Variants in CBR4 observed in about 807,000 individuals in gnomAD.
CBR4 encodes the protein carbonyl reductase 4.
CBR4 carries 22 observed loss-of-function variants against 21.0 expected under a neutral mutation model. That is an observed-to-expected ratio of 1.05 (90% CI 0.75 to 1.50). The LOEUF (loss-of-function observed/expected upper bound fraction) is 1.50. CBR4 is among the 40% of genes most tolerant of loss of function. The pLI, the probability that CBR4 is intolerant of heterozygous loss-of-function variation, is 0.00. For synonymous variants in CBR4, 100 were observed against 104.4 expected, an observed-to-expected ratio of 0.96 and a Z score of 0.26; for missense variants, 302 against 286.3, an observed-to-expected ratio of 1.05 and a Z score of -0.40.
intron 4 of CBR4, among the ~76,000 whole-genome samples, chr4:168,999,635 T>G (rs1409031972): frequency 8.8e-6 from 1 of 114,174 alleles, no homozygotes; most frequent in Non-Finnish European, 1.9e-5. Flanking sequence ...ACCACCACTT[T>G]CAAAAAAAAA....
At chr4:169,007,039 T>G (rs1001468931) in intron 2 of CBR4, 148 bp from the exon 3 acceptor site, 2 of 618,272 alleles carry the variant, frequency 3.2e-6, no homozygotes, top group Non-Finnish European at 5.6e-6. Context: ...CATTTTGAAC[T>G]TGGCTTGAGA....
At chr4:168,963,935 C>T (rs925403201) in intron 2 of CBR4, among the ~76,000 whole-genome samples, 3 of 151,926 alleles carry the variant, frequency 2.0e-5, no homozygotes, top group Non-Finnish European at 4.4e-5. Context: ...ATGTCATGCC[C>T]AAGAACAGTT....
At chr4:168,971,274 T>C (rs1764198809) in intron 2 of CBR4, among the ~76,000 whole-genome samples, 1 of 151,980 alleles carries the variant, frequency 6.6e-6, no homozygotes, top group Non-Finnish European at 1.5e-5. Flanking sequence ...ATATCTTATT[T>C]TTTATCTTTT....
At chr4:168,981,049 A>T (rs1232419872) in intron 2 of CBR4, among the ~76,000 whole-genome samples, 1 of 152,216 alleles carries the variant, frequency 6.6e-6, no homozygotes. Flanking sequence ...CATTCCAAGG[A>T]ATCTAAGGAA....
In CBR4 at chr4:169,006,832, A is replaced by C; in HGVS notation, c.323T>G (p.Leu108Arg). Residue 108 changes from leucine (L) to arginine (R), a missense_variant, in exon 3 of 5, where the codon CTC (leucine) becomes CGC (arginine). By Grantham distance (102) the Leu-to-Arg change is moderately radical (BLOSUM62 -2). Transcript: ENST00000306193. The part of the protein sequence containing the change: ...EDMVSQLHTN[L>R]LGSMLTCKAA... ...TTTACAGGTCAGCATGGAACCCAAG[A>C]GGTTAGTATGAAGCTGAGATACCAT... 6.2e-7 allele frequency: 1 copy of C among 1,613,330 alleles called. No individual in the cohort carries two copies. The highest frequency in any genetic ancestry group is 1.3e-5 in the African/African-American group (1 of 75,030).
intron 4 of CBR4, among the ~76,000 whole-genome samples, chr4:168,993,376 A>G (rs1765019905): frequency 6.6e-6 from 1 of 152,072 alleles, no homozygotes; most frequent in Admixed American, 6.6e-5. Flanking sequence ...ATGCCCAGCT[A>G]ATTTTTGTAT....
At position 168,990,330 on chromosome 4, in the gene CBR4, T is replaced by G. The variant is rs1183024649; in HGVS notation, c.536-2A>C. ...TCGTCATATCTGTGTGTACAAATCC[T>G]AAAAGAGAAATGTTTGTTTAGTTGA... On this transcript the variant is annotated splice_acceptor_variant, in intron 4 of 4. Transcript: ENST00000306193. LOFTEE classifies it high-confidence loss of function. The G allele has an allele frequency of 6.3e-7, 1 of 1,588,284 alleles. No individual in the cohort carries two copies. The highest frequency in any genetic ancestry group is 8.6e-7 in the Non-Finnish European group (1 of 1,166,432).
intron 1 of CBR4, chr4:169,008,895 C>G (rs1731143054): frequency 4.6e-6 from 2 of 438,832 alleles, no homozygotes; most frequent in South Asian, 3.3e-5. Context: ...CCAACCAGCA[C>G]TGAACAGGTG....
chr4:168,925,038 AGCAGGGATTGTGTCCTGTACT>A, intron 2 of CBR4: 1 of 1,614,140 alleles, frequency 6.2e-7, no homozygotes, highest in Non-Finnish European at 8.5e-7. Flanking sequence ...CCAAGAATGA[AGCAGGGATTGTGTCCTGTACT>A]GCCAGGCTGG....
At chr4:168,966,476 G>T (rs932888458) in intron 2 of CBR4, among the ~76,000 whole-genome samples, 1 of 151,078 alleles carries the variant, frequency 6.6e-6, no homozygotes, top group African/African-American at 2.4e-5. Context: ...GCAGTGAGCC[G>T]AGATCGCACC....
At chr4:168,969,892 C>G (rs1237887367) in intron 2 of CBR4, among the ~76,000 whole-genome samples, 1 of 152,124 alleles carries the variant, frequency 6.6e-6, no homozygotes, top group Admixed American at 6.5e-5. Context: ...GTAATTCCTG[C>G]TGATGTTGGA....
chr4:168,957,443 C>A (rs1578935190), intron 2 of CBR4, among the ~76,000 whole-genome samples: 1 of 152,054 alleles, frequency 6.6e-6, no homozygotes, highest in South Asian at 2.1e-4. Flanking sequence ...AATTCAGAAA[C>A]CTTCTCCCAT....
intron 2 of CBR4, among the ~76,000 whole-genome samples, chr4:168,961,867 G>A (rs1229292984): frequency 6.6e-6 from 1 of 151,890 alleles, no homozygotes; most frequent in Admixed American, 6.6e-5. Flanking sequence ...TCCAGCCTGG[G>A]CAACAGAGTG....
chr4:168,973,771 C>A (rs575954244), intron 2 of CBR4, among the ~76,000 whole-genome samples: 8 of 152,162 alleles, frequency 5.3e-5, no homozygotes, highest in Non-Finnish European at 1.2e-4. Flanking sequence ...GTTTAATCTA[C>A]GAGGGTTGTA....
chr4:168,963,724 C>T (rs1763931815), intron 2 of CBR4, among the ~76,000 whole-genome samples: 1 of 152,028 alleles, frequency 6.6e-6, no homozygotes, highest in Admixed American at 6.6e-5. Flanking sequence ...CCCACCTCAG[C>T]CTCCCAAAGT....
chr4:168,921,809 C>A, intron 2 of CBR4: 1 of 1,189,188 alleles, frequency 8.4e-7, no homozygotes, highest in Non-Finnish European at 1.3e-6. Flanking sequence ...TAAACTAATT[C>A]TACATTACTA....
intron 2 of CBR4, among the ~76,000 whole-genome samples, chr4:168,913,219 C>A (rs984153444): frequency 4.5e-4 from 68 of 151,002 alleles, no homozygotes; most frequent in African/African-American, 1.6e-3. Context: ...TCACTGCAAC[C>A]TCCGCCTCCC....
chr4:169,004,273 ATTTT>A (rs920778514), intron 3 of CBR4, among the ~76,000 whole-genome samples: 1 of 151,952 alleles, frequency 6.6e-6, no homozygotes, highest in South Asian at 2.1e-4. Flanking sequence ...AAGTATTTAC[ATTTT>A]TTTTAGATAT....
At chr4:168,910,981 T>C (rs999534896) in intron 2 of CBR4, among the ~76,000 whole-genome samples, 2 of 152,198 alleles carry the variant, frequency 1.3e-5, no homozygotes, top group African/African-American at 4.8e-5. Flanking sequence ...TCTTGATGCA[T>C]GTCCATGCAT....
Sources: allele counts gnomAD v4.1 joint callset (sites outside exome capture counted in the v4.1 genomes callset), GRCh38; gene constraint gnomAD v4.1.1; transcripts MANE v1.5; gene names NCBI Gene and HGNC (gene_info 2026-07-23, HGNC 2026-07-21).